Variants in ABCB7 observed in about 807,000 individuals in gnomAD.
ABCB7 encodes ATP binding cassette subfamily B member 7, also known as iron-sulfur clusters transporter ABCB7, mitochondrial.
In ABCB7, 7 loss-of-function variants were observed where a neutral mutation model predicts 54.4. That is an observed-to-expected ratio of 0.13 (90% CI 0.07 to 0.24). The LOEUF is 0.24. ABCB7 is among the 10% of genes least tolerant of loss of function. ABCB7 has a pLI of 1.00. For missense variants in ABCB7, 356 were observed against 570.4 expected (o/e 0.62, Z 3.83); for synonymous variants, 218 against 207.1 (o/e 1.05, Z -0.45).
At chrX:75,104,751 C>T (rs992872596) in intron 3 of ABCB7, among the ~76,000 whole-genome samples, 2 of 110,920 alleles carry the variant, frequency 1.8e-5, no homozygotes, top group Admixed American at 9.6e-5. Flanking sequence ...CAAAACAAAA[C>T]AAAAAACTAC....
intron 1 of ABCB7, among the ~76,000 whole-genome samples, chrX:75,152,691 G>A (rs1021030082): frequency 3.8e-5 from 4 of 106,646 alleles, no homozygotes; most frequent in African/African-American, 1.0e-4. Flanking sequence ...AGGAAGTCTC[G>A]CTCTGTCGCC....
Position 75,156,276 on chromosome X carries a change from G to A in ABCB7, c.-4C>T, listed in dbSNP as rs1209598819. The A allele has an allele frequency of 2.5e-6, 3 of 1,200,633 alleles. No individual in the cohort carries two copies. In the African/African-American group the frequency reaches 5.3e-5, roughly 21 times the overall value. Reference sequence around the variant, plus strand: ...AATGCATCGCGAGCAGCGCCATCTTGAGCGAGGAAAGAGGAACCGAGAGAA... The same window carrying A: ...AATGCATCGCGAGCAGCGCCATCTTAAGCGAGGAAAGAGGAACCGAGAGAA... On this transcript the variant is annotated 5_prime_UTR_variant, in exon 1 of 16. Transcript: ENST00000373394.
At chrX:75,055,561 A>C (rs1395374627) in intron 15 of ABCB7, among the ~76,000 whole-genome samples, 12 of 101,190 alleles carry the variant, frequency 1.2e-4, no homozygotes, top group African/African-American at 4.7e-4. Context: ...ACCAAAAAAA[A>C]AAAAAAAAAA....
At chrX:75,152,610 C>T (rs1383822763) in intron 1 of ABCB7, among the ~76,000 whole-genome samples, 2 of 111,786 alleles carry the variant, frequency 1.8e-5, no homozygotes, top group Non-Finnish European at 3.8e-5. Context: ...CCTAATGTTC[C>T]AGTTAAGTTT....
intron 10 of ABCB7, 25 bp from the exon 11 acceptor site, chrX:75,069,479 C>T: frequency 1.7e-6 from 2 of 1,193,550 alleles, no homozygotes; most frequent in Admixed American, 4.4e-5. Context: ...AAAAAAAAAG[C>T]CACTTTACGC....
intron 15 of ABCB7, 76 bp from the exon 16 acceptor site, chrX:75,053,661 C>G (rs2081213158): frequency 8.7e-7 from 1 of 1,145,342 alleles, no homozygotes; most frequent in South Asian, 1.9e-5. Context: ...CAAATACTTT[C>G]TAACTAAGGA....
intron 1 of ABCB7, among the ~76,000 whole-genome samples, chrX:75,117,322 T>C (rs1227371270): frequency 9.1e-6 from 1 of 110,153 alleles, no homozygotes; most frequent in African/African-American, 3.3e-5. Flanking sequence ...GAAGGGACTA[T>C]ACTAAAGAAA....
At chrX:75,082,875 T>C (rs1008243454) in intron 4 of ABCB7, among the ~76,000 whole-genome samples, 5 of 111,141 alleles carry the variant, frequency 4.5e-5, no homozygotes, top group African/African-American at 1.6e-4. Context: ...GTAAAATCTG[T>C]TCAAATAACA....
intron 1 of ABCB7, among the ~76,000 whole-genome samples, chrX:75,141,099 C>T (rs919901492): frequency 2.7e-5 from 3 of 111,731 alleles, no homozygotes; most frequent in Admixed American, 9.5e-5. Context: ...TCATTTTTCT[C>T]TAAAAAAGAT....
At chrX:75,147,644 A>C (rs2082101675) in intron 1 of ABCB7, among the ~76,000 whole-genome samples, 1 of 111,659 alleles carries the variant, frequency 9.0e-6, no homozygotes, top group Non-Finnish European at 1.9e-5. Context: ...ACATACAAGG[A>C]AACAACACAC....
intron 1 of ABCB7, among the ~76,000 whole-genome samples, chrX:75,138,639 T>A (rs1235396516): frequency 1.8e-5 from 2 of 111,785 alleles, no homozygotes; most frequent in Non-Finnish European, 3.8e-5. Flanking sequence ...CAAGCCTGAA[T>A]ATACATCAGA....
chrX:75,132,067 C>G (rs969247390), intron 1 of ABCB7, among the ~76,000 whole-genome samples: 1 of 111,031 alleles, frequency 9.0e-6, no homozygotes, highest in Non-Finnish European at 1.9e-5. Flanking sequence ...TGGGGCTGCG[C>G]GTAGCTTCCC....
chrX:75,114,900 T>C, intron 1 of ABCB7, 69 bp from the exon 2 acceptor site: 1 of 889,529 alleles, frequency 1.1e-6, no homozygotes, highest in Non-Finnish European at 1.6e-6. Context: ...ATTATTTCCT[T>C]TGTTCATAAA....
chrX:75,122,079 C>T (rs962807426), intron 1 of ABCB7, among the ~76,000 whole-genome samples: 1 of 111,570 alleles, frequency 9.0e-6, no homozygotes, highest in African/African-American at 3.3e-5. Flanking sequence ...TGAGCAGGGG[C>T]TTGGTAAAAT....
chrX:75,122,478 A>C (rs763853734), intron 1 of ABCB7, among the ~76,000 whole-genome samples: 32 of 112,955 alleles, frequency 2.8e-4, no homozygotes, highest in African/African-American at 9.9e-4. Context: ...GCTGCAATGA[A>C]CATGGGCATG....
intron 1 of ABCB7, among the ~76,000 whole-genome samples, chrX:75,115,410 CTTTTTTTTTTTTTTTTT>C (rs747398607): frequency 3.3e-5 from 1 of 30,187 alleles, no homozygotes; most frequent in East Asian, 9.1e-4. Flanking sequence ...TGTCTCTTTT[CTTTTTTTTTTTTTTTTT>C]TTTTTTTTTT....
chrX:75,074,044 A>G, intron 6 of ABCB7, 88 bp from the exon 7 acceptor site: 1 of 775,179 alleles, frequency 1.3e-6, no homozygotes, highest in Non-Finnish European at 2.0e-6. Flanking sequence ...TCTCGGTCAA[A>G]AGATTTTAAC....
chrX:75,096,470 C>T (rs1266875196), intron 4 of ABCB7, among the ~76,000 whole-genome samples: 8 of 111,701 alleles, frequency 7.2e-5, no homozygotes, highest in Non-Finnish European at 1.5e-4. Flanking sequence ...CCTCTATTTA[C>T]TTCCCTAGAG....
In ABCB7 at chrX:75,060,271, G is replaced by A. The variant is rs749567321; in HGVS notation, c.1995C>T (p.His665=). 5.8e-5 allele frequency: 70 copies of A among 1,209,279 alleles called. No homozygotes were observed. The highest frequency in any genetic ancestry group is 7.4e-5 in the Non-Finnish European group (66 of 894,555). The change falls in exon 15 of 16, where the codon CAC becomes CAT. Residue 665 remains histidine, a synonymous_variant. Transcript: ENST00000373394. The part of the protein sequence containing the change: ...VKHRTSIFIA[H]RLSTVVDADE... Reference sequence around the variant, plus strand: ...CTGCATCAACCACTGTTGACAATCTGTGTGCAATGAAAATAGAAGTTCTGT... The same window carrying A: ...CTGCATCAACCACTGTTGACAATCTATGTGCAATGAAAATAGAAGTTCTGT...
Sources: allele counts gnomAD v4.1 joint callset (sites outside exome capture counted in the v4.1 genomes callset), GRCh38; gene constraint gnomAD v4.1.1; transcripts MANE v1.5; gene names NCBI Gene and HGNC (gene_info 2026-07-23, HGNC 2026-07-21).